Variants in DNAJC13 observed in about 807,000 individuals in gnomAD.
The protein encoded by DNAJC13 is DnaJ heat shock protein family (Hsp40) member C13, also known as dnaJ homolog subfamily C member 13.
DNAJC13 carries 75 observed loss-of-function variants against 290.5 expected under a neutral mutation model. The ratio of observed to expected loss-of-function variants is 0.26; its 90% CI spans 0.21 to 0.31. The LOEUF is 0.31. Among genes scored for constraint, DNAJC13 ranks in the 10% least tolerant of loss-of-function variants. The pLI is 1.00. For synonymous variants in DNAJC13, 862 were observed against 892.0 expected (o/e 0.97, Z 0.60); for missense variants, 2,260 against 2,674.5 (o/e 0.85, Z 3.42).
At position 132,471,734 on chromosome 3, in the gene DNAJC13, C is replaced by G. The variant is rs1310939625; in HGVS notation, c.2209-1411C>G. Among the ~76,000 whole-genome samples the G allele has an allele frequency of 2.3e-5, 3 of 128,790 alleles. No individual in the cohort carries two copies. In the East Asian group the frequency reaches 7.2e-4, roughly 31 times the overall value. The allele number at this position is 128,790 out of a possible 152,430, so 84.5% of individuals were successfully genotyped here. On this transcript the variant is annotated intron_variant, in intron 20 of 55. Transcript: ENST00000260818. ...CTCACTTCCTAGATGGGATGGCGGCCGGGCGGAGACGCTCCTCACTTTCCA... is the reference window on the plus strand; with the variant it reads ...CTCACTTCCTAGATGGGATGGCGGCGGGGCGGAGACGCTCCTCACTTTCCA...
chr3:132,513,944 G>C (rs1182930110), intron 45 of DNAJC13, among the ~76,000 whole-genome samples: 3 of 152,102 alleles, frequency 2.0e-5, no homozygotes, highest in African/African-American at 2.4e-5. Flanking sequence ...TAACATTTTG[G>C]CTTAAAACAG....
At chr3:132,423,864 A>G (rs1939024861) in intron 1 of DNAJC13, among the ~76,000 whole-genome samples, 1 of 152,204 alleles carries the variant, frequency 6.6e-6, no homozygotes, top group Non-Finnish European at 1.5e-5. Flanking sequence ...CATTTACTGT[A>G]ATGATAGGAA....
chr3:132,427,133 A>ATATTTTT (rs1310339480), intron 1 of DNAJC13, among the ~76,000 whole-genome samples: 1 of 122,180 alleles, frequency 8.2e-6, no homozygotes, highest in African/African-American at 3.3e-5. Context: ...ATATATATAT[A>ATATTTTT]TTTTTTTTTT....
chr3:132,481,723 C>T (rs1934681293), intron 26 of DNAJC13, among the ~76,000 whole-genome samples: 1 of 152,162 alleles, frequency 6.6e-6, no homozygotes, highest in Non-Finnish European at 1.5e-5. Context: ...TAAATTGAGA[C>T]TATATAAAAC....
At chr3:132,513,338 G>C (rs1935833875) in intron 45 of DNAJC13, among the ~76,000 whole-genome samples, 1 of 152,076 alleles carries the variant, frequency 6.6e-6, no homozygotes, top group African/African-American at 2.4e-5. Context: ...TTAGGGCTTG[G>C]GATAGTGTTG....
intron 55 of DNAJC13, 64 bp from the exon 56 acceptor site, chr3:132,538,112 A>G: frequency 7.3e-7 from 1 of 1,376,904 alleles, no homozygotes; most frequent in Non-Finnish European, 1.0e-6. Context: ...TGACATTTTT[A>G]TAAAGGTCAA....
intron 14 of DNAJC13, among the ~76,000 whole-genome samples, chr3:132,460,723 A>T (rs796467382): frequency 4.1e-4 from 62 of 152,364 alleles, no homozygotes; most frequent in African/African-American, 1.5e-3. Flanking sequence ...TTGAAGGAAC[A>T]TAAGCAGATT....
At chr3:132,501,050 T>A in intron 39 of DNAJC13, 137 bp downstream of exon 39, 2 of 1,154,326 alleles carry the variant, frequency 1.7e-6, no homozygotes, top group Non-Finnish European at 2.4e-6. Context: ...TAAAAGCATT[T>A]TTCACAGAAG....
chr3:132,455,691 T>C (rs1933574649), intron 9 of DNAJC13, among the ~76,000 whole-genome samples: 1 of 152,218 alleles, frequency 6.6e-6, no homozygotes, highest in African/African-American at 2.4e-5. Context: ...CTTGGATGAA[T>C]CTCAAAAGCC....
intron 28 of DNAJC13, 35 bp from the exon 29 acceptor site, chr3:132,484,553 T>A (rs374277145): frequency 6.3e-7 from 1 of 1,584,278 alleles, no homozygotes; most frequent in South Asian, 1.1e-5. Context: ...TTTTAACAAA[T>A]ATATTAAATG....
At chr3:132,534,375 G>T (rs2107758615) in intron 55 of DNAJC13, among the ~76,000 whole-genome samples, 1 of 152,294 alleles carries the variant, frequency 6.6e-6, no homozygotes, top group Middle Eastern at 3.4e-3. Context: ...GGACCAACTT[G>T]CCAGGTGCAA....
chr3:132,433,594 G>C (rs1430294688), intron 1 of DNAJC13, among the ~76,000 whole-genome samples: 2 of 152,170 alleles, frequency 1.3e-5, no homozygotes, highest in African/African-American at 4.8e-5. Context: ...TTTTTAAATT[G>C]CCTTATTTAT....
At chr3:132,523,306 CTTGGGTATTCCCCTGG>C in intron 50 of DNAJC13, 107 bp downstream of exon 50, 1 of 1,347,646 alleles carries the variant, frequency 7.4e-7, no homozygotes, top group Non-Finnish European at 1.0e-6. Flanking sequence ...CATCAAGACT[CTTGGGTATTCCCCTGG>C]AAAATAAGGC....
rs537284206 is a variant in DNAJC13, at chr3:132,462,832, G to T, written c.1770+309G>T. ...TTTTTGGAAGGATAATGTTGACAGT[G>T]TTGAAGTCTTGAGATACTGAGCTTG... On this transcript the variant is annotated intron_variant, in intron 16 of 55. Transcript: ENST00000260818. 2.0e-4 allele frequency among the ~76,000 whole-genome samples: 31 copies of T among 152,308 alleles called. 1 individual carries two copies. The South Asian group carries it at 6.2e-3, about 31-fold the overall frequency.
chr3:132,483,624 A>G, intron 28 of DNAJC13, 47 bp downstream of exon 28: 1 of 1,545,734 alleles, frequency 6.5e-7, no homozygotes, highest in South Asian at 1.1e-5. Flanking sequence ...ATGCTTCCTT[A>G]GTAACAGCAT....
At chr3:132,515,267 T>C (rs1049245599) in intron 46 of DNAJC13, among the ~76,000 whole-genome samples, 11 of 152,170 alleles carry the variant, frequency 7.2e-5, no homozygotes, top group African/African-American at 2.7e-4. Context: ...AACTCAGCAA[T>C]AACCAGAATA....
At chr3:132,522,286 A>G (rs1433918927) in intron 48 of DNAJC13, among the ~76,000 whole-genome samples, 5 of 152,184 alleles carry the variant, frequency 3.3e-5, no homozygotes, top group Non-Finnish European at 7.4e-5. Context: ...TTTTGTCTGT[A>G]TGTATGTGCT....
intron 3 of DNAJC13, 73 bp from the exon 4 acceptor site, chr3:132,447,248 T>G (rs998467820): frequency 1.6e-6 from 2 of 1,277,220 alleles, no homozygotes; most frequent in African/African-American, 3.1e-5. Flanking sequence ...GATTATGAAA[T>G]TAAAGTGACA....
At position 132,467,032 on chromosome 3, in the gene DNAJC13, A is replaced by T. The variant is rs1269457287; in HGVS notation, c.2065-138A>T. 5 of 937,556 alleles carry T rather than the reference A, an allele frequency of 5.3e-6. No individual in the cohort carries two copies. In the African/African-American group the frequency reaches 8.6e-5, roughly 16 times the overall value. 58.1% of individuals were successfully genotyped at this position (937,556 alleles called of 1,614,324 possible). Reference sequence around the variant, plus strand: ...CTTGGATAAAAAGTATAATTGTAGAAGTTTTCAGTTTGTTTCTTCACTGAA... The same window carrying T: ...CTTGGATAAAAAGTATAATTGTAGATGTTTTCAGTTTGTTTCTTCACTGAA... On this transcript the variant is annotated intron_variant, in intron 19 of 55. Coordinates refer to ENST00000260818, the MANE Select transcript of DNAJC13 (RefSeq NM_015268.4).
Sources: allele counts gnomAD v4.1 joint callset (sites outside exome capture counted in the v4.1 genomes callset), GRCh38; gene constraint gnomAD v4.1.1; transcripts MANE v1.5; gene names NCBI Gene and HGNC (gene_info 2026-07-23, HGNC 2026-07-21).